Variants in CRHR1 observed in about 807,000 individuals in gnomAD.
The protein encoded by CRHR1 is corticotropin releasing hormone receptor 1.
A neutral mutation model predicts 56.0 loss-of-function variants in CRHR1; 28 were observed. The ratio of observed to expected loss-of-function variants is 0.50; its 90% CI spans 0.37 to 0.69. The LOEUF (loss-of-function observed/expected upper bound fraction) is 0.69, where lower values mean the gene tolerates loss of function less well. Among genes scored for constraint, CRHR1 ranks in the 30% least tolerant of loss-of-function variants. CRHR1 has a pLI of 0.00. For synonymous variants in CRHR1, 195 were observed against 216.5 expected (o/e 0.90, Z 0.87); for missense variants, 376 against 548.0 (o/e 0.69, Z 3.13).
chr17:45,826,604 C>T (rs536102412), intron 4 of CRHR1: 6 of 152,358 alleles, frequency 3.9e-5, no homozygotes, highest in South Asian at 2.1e-4. Context: ...GGAGGTCCCC[C>T]GAGGCTCCTG....
intron 1 of CRHR1, among the ~76,000 whole-genome samples, chr17:45,787,812 G>C (rs1284573290): frequency 1.3e-5 from 2 of 152,202 alleles, no homozygotes; most frequent in Non-Finnish European, 2.9e-5. Context: ...TTTTCGAGGG[G>C]AGCGTTGGCA....
chr17:45,834,694 G>A lies in CRHR1; in HGVS notation c.1178G>A (p.Arg393His), dbSNP rs530958757. ...DKHSIRARVA[R>H]AMSIPTSPTR... The stretch of plus-strand genomic sequence containing the variant: ...CACTCGATCCGTGCCCGAGTGGCCC[G>A]TGCCATGTCCATCCCCACCTCCCCA... Residue 393 changes from arginine to histidine, a missense_variant, in exon 13 of 13, where the codon CGT (arginine) becomes CAT (histidine). By Grantham distance (29) the Arg-to-His change is conservative (BLOSUM62 0). Coordinates refer to ENST00000314537, the MANE Select transcript of CRHR1 (RefSeq NM_004382.5). The A allele has an allele frequency of 5.6e-6, 9 of 1,613,664 alleles. No individual in the cohort carries two copies. In the East Asian group the frequency reaches 6.7e-5, roughly 12 times the overall value.
intron 2 of CRHR1, among the ~76,000 whole-genome samples, chr17:45,813,388 C>A (rs974003751): frequency 6.6e-6 from 1 of 152,138 alleles, no homozygotes; most frequent in Non-Finnish European, 1.5e-5. Flanking sequence ...CTCCTCGCCC[C>A]TTTTCATTTG....
chr17:45,804,149 CAG>C (rs1213619148), intron 1 of CRHR1, among the ~76,000 whole-genome samples: 1 of 152,094 alleles, frequency 6.6e-6, no homozygotes. Context: ...TCCTTGAGGC[CAG>C]AGAGATGAAT....
At chr17:45,819,075 C>A (rs2061985360) in intron 3 of CRHR1, among the ~76,000 whole-genome samples, 2 of 152,162 alleles carry the variant, frequency 1.3e-5, no homozygotes, top group African/African-American at 2.4e-5. Flanking sequence ...GGGTGTTGAG[C>A]AAAGGGGCTC....
chr17:45,803,570 A>G (rs1391315081), intron 1 of CRHR1, among the ~76,000 whole-genome samples: 1 of 151,950 alleles, frequency 6.6e-6, no homozygotes, highest in Non-Finnish European at 1.5e-5. Flanking sequence ...TTTTTAGTAG[A>G]GATGGGGGTT....
chr17:45,829,441 C>A, intron 5 of CRHR1, 120 bp downstream of exon 5: 1 of 1,317,576 alleles, frequency 7.6e-7, no homozygotes, highest in Non-Finnish European at 1.1e-6. Context: ...GTGGCAGGGG[C>A]TGGCTTATCT....
intron 12 of CRHR1, 71 bp from the exon 13 acceptor site, chr17:45,834,553 G>C (rs1294221312): frequency 3.9e-6 from 6 of 1,528,324 alleles, no homozygotes; most frequent in Admixed American, 3.8e-5. Flanking sequence ...ACAGCTGCTC[G>C]TGGCGGCCCA....
intron 1 of CRHR1, chr17:45,799,701 C>T (rs1439982913): frequency 6.6e-6 from 1 of 152,226 alleles, no homozygotes; most frequent in Non-Finnish European, 1.5e-5. Flanking sequence ...GGCCCCGAGT[C>T]AGGGTCCGCC....
chr17:45,812,612 C>T (rs1278746512), intron 2 of CRHR1, among the ~76,000 whole-genome samples: 2 of 152,212 alleles, frequency 1.3e-5, no homozygotes, highest in Non-Finnish European at 2.9e-5. Flanking sequence ...GACACAGAAA[C>T]TGACTTCCTG....
At chr17:45,813,032 C>T (rs1032857430) in intron 2 of CRHR1, among the ~76,000 whole-genome samples, 1 of 152,178 alleles carries the variant, frequency 6.6e-6, no homozygotes, top group East Asian at 1.9e-4. Context: ...ACTCGGTGTC[C>T]GCAGGACGCA....
At chr17:45,808,964 G>A (rs1263829028) in intron 2 of CRHR1, among the ~76,000 whole-genome samples, 1 of 152,236 alleles carries the variant, frequency 6.6e-6, no homozygotes, top group East Asian at 1.9e-4. Flanking sequence ...TGTATAGCTG[G>A]AATGAAGGGA....
At chr17:45,815,336 C>A (rs1048958649) in intron 2 of CRHR1, among the ~76,000 whole-genome samples, 13 of 152,176 alleles carry the variant, frequency 8.5e-5, no homozygotes, top group African/African-American at 3.1e-4. Flanking sequence ...ACTGTGCCAG[C>A]CCCCACCCTT....
At chr17:45,830,789 AC>A in intron 7 of CRHR1, 90 bp from the exon 8 acceptor site, 1 of 1,359,696 alleles carries the variant, frequency 7.4e-7, no homozygotes, top group African/African-American at 1.4e-5. Context: ...GTAACCCCAG[AC>A]CCCCTGGAGC....
chr17:45,833,608 G>A, intron 10 of CRHR1, 71 bp downstream of exon 10: 1 of 1,586,492 alleles, frequency 6.3e-7, no homozygotes, highest in Non-Finnish European at 8.6e-7. Flanking sequence ...TCACGTGCCA[G>A]AGACCTGCCA....
At chr17:45,814,164 C>G (rs1236009216) in intron 2 of CRHR1, among the ~76,000 whole-genome samples, 3 of 152,242 alleles carry the variant, frequency 2.0e-5, no homozygotes, top group Non-Finnish European at 4.4e-5. Flanking sequence ...ATTCCAGACG[C>G]TGCCACATGG....
At position 45,784,654 on chromosome 17, in the gene CRHR1, G is replaced by A; in HGVS notation, c.33+77G>A. ...GACGCGGGACGGGGCTGGGCTGTGG[G>A]TGTGATGGGGGCGGGGGCGCTGGGA... On this transcript the variant is annotated intron_variant, in intron 1 of 12. Transcript: ENST00000314537. This position sits in a 1 kb window ranked among gnomAD's most constrained non-coding sequence, Gnocchi z 4.2. 2.1e-6 allele frequency: 3 copies of A among 1,423,386 alleles called. No individual in the cohort carries two copies. The highest frequency in any genetic ancestry group is 2.8e-6 in the Non-Finnish European group (3 of 1,068,344). The allele number at this position is 1,423,386 out of a possible 1,614,324, so 88.2% of individuals were successfully genotyped here. A position where few individuals can be genotyped will look rare whatever the true frequency, so the allele number is the denominator to read the frequency against.
At chr17:45,830,306 C>A in intron 6 of CRHR1, 92 bp downstream of exon 6, 1 of 1,594,840 alleles carries the variant, frequency 6.3e-7, no homozygotes, top group Non-Finnish European at 8.6e-7. Flanking sequence ...GCCCACAGAA[C>A]AGGAGTGGGA....
intron 4 of CRHR1, among the ~76,000 whole-genome samples, chr17:45,823,005 A>T (rs1412652417): frequency 6.8e-6 from 1 of 146,980 alleles, no homozygotes; most frequent in African/African-American, 2.5e-5. Flanking sequence ...TTAGCCGAGC[A>T]TGGTGGCGCA....
Sources: allele counts gnomAD v4.1 joint callset (sites outside exome capture counted in the v4.1 genomes callset), GRCh38; gene constraint gnomAD v4.1.1; non-coding constraint Gnocchi (gnomAD v3.1); transcripts MANE v1.5; gene names NCBI Gene and HGNC (gene_info 2026-07-23, HGNC 2026-07-21).